Variants in MYZAP observed in about 807,000 individuals in gnomAD.
MYZAP encodes myocardial zonula adherens protein.
MYZAP carries 66 observed loss-of-function variants against 69.4 expected under a neutral mutation model. That is an observed-to-expected ratio of 0.95 (90% CI 0.78 to 1.17). The LOEUF is 1.17. Among genes scored for constraint, MYZAP ranks in the 50% most tolerant of loss-of-function variants. MYZAP has a pLI of 0.00. For missense variants in MYZAP, 611 were observed against 556.2 expected, an observed-to-expected ratio of 1.10 and a Z score of -0.99; for synonymous variants, 256 against 205.9, an observed-to-expected ratio of 1.24 and a Z score of -2.09.
chr15:57,677,129 T>A (rs2039180062), intron 12 of MYZAP, among the ~76,000 whole-genome samples: 1 of 152,228 alleles, frequency 6.6e-6, no homozygotes, highest in African/African-American at 2.4e-5. Flanking sequence ...GCCTTCCACC[T>A]GCGCTTCTTG....
chr15:57,627,054 C>T (rs1049968040), intron 5 of MYZAP, among the ~76,000 whole-genome samples: 2 of 152,218 alleles, frequency 1.3e-5, no homozygotes, highest in African/African-American at 2.4e-5. Context: ...CCCTTTCGGA[C>T]GCTGTCTCAT....
At chr15:57,606,788 T>C (rs1387494870) in intron 2 of MYZAP, among the ~76,000 whole-genome samples, 3 of 152,248 alleles carry the variant, frequency 2.0e-5, no homozygotes, top group Non-Finnish European at 4.4e-5. Context: ...ATATGAACTA[T>C]ATATTACATA....
At chr15:57,658,433 T>G (rs112702095) in intron 10 of MYZAP, among the ~76,000 whole-genome samples, 7 of 152,250 alleles carry the variant, frequency 4.6e-5, no homozygotes, top group African/African-American at 1.7e-4. Flanking sequence ...TTTCTTCTGA[T>G]GCTTTGTTCC....
chr15:57,633,730 C>A lies in MYZAP; in HGVS notation c.922C>A (p.Arg308Ser), dbSNP rs756208577. The change falls in exon 8 of 13, where the codon CGC becomes AGC. Residue 308 changes from arginine to serine, a missense_variant. By Grantham distance (110) the Arg-to-Ser change is moderately radical. Transcript: ENST00000267853. Reference protein sequence around the residue: ...RIGELDRLIERMEKERHQLQL... With the variant: ...RIGELDRLIESMEKERHQLQL... ...CGGGGAGCTGGACAGGCTGATTGAG[C>A]GCATGGAAAAGGTAGGACACAGCGT... 7 of 1,605,352 alleles carry A rather than the reference C, an allele frequency of 4.4e-6. No homozygotes were observed. The highest frequency in any genetic ancestry group is 6.0e-6 in the Non-Finnish European group (7 of 1,175,966).
At chr15:57,613,793 C>G (rs1422899323) in intron 2 of MYZAP, among the ~76,000 whole-genome samples, 1 of 152,198 alleles carries the variant, frequency 6.6e-6, no homozygotes, top group African/African-American at 2.4e-5. Context: ...GCCAATCCTG[C>G]CTCATCTACA....
intron 10 of MYZAP, among the ~76,000 whole-genome samples, chr15:57,654,324 G>A (rs569284984): frequency 2.6e-5 from 4 of 152,152 alleles, no homozygotes; most frequent in South Asian, 2.1e-4. Context: ...TAAGTGTGAC[G>A]TCAGTTTTAA....
At chr15:57,622,581 C>G (rs1305452996) in intron 4 of MYZAP, among the ~76,000 whole-genome samples, 1 of 152,032 alleles carries the variant, frequency 6.6e-6, no homozygotes, top group African/African-American at 2.4e-5. Flanking sequence ...ATAAAAAGTA[C>G]TCCAGAAATG....
intron 8 of MYZAP, among the ~76,000 whole-genome samples, chr15:57,635,975 G>A (rs1323865988): frequency 1.3e-5 from 2 of 152,152 alleles, no homozygotes; most frequent in African/African-American, 4.8e-5. Flanking sequence ...AATAGTCTAT[G>A]CCATAATCTG....
intron 11 of MYZAP, 126 bp from the exon 12 acceptor site, chr15:57,674,842 G>A (rs1006158625): frequency 1.3e-6 from 1 of 768,594 alleles, no homozygotes; most frequent in Non-Finnish European, 2.1e-6. Flanking sequence ...GTGATGCTCT[G>A]TAAATACATT....
chr15:57,684,340 T>A, intron 12 of MYZAP, 62 bp from the exon 13 acceptor site: 1 of 1,039,440 alleles, frequency 9.6e-7, no homozygotes, highest in Non-Finnish European at 1.5e-6. Context: ...TCTTACCATG[T>A]GAAGCATATG....
chr15:57,613,834 C>T (rs967322527), intron 2 of MYZAP, among the ~76,000 whole-genome samples: 1 of 152,156 alleles, frequency 6.6e-6, no homozygotes, highest in Non-Finnish European at 1.5e-5. Flanking sequence ...AAATATACAT[C>T]ATCTGTATCT....
intron 11 of MYZAP, among the ~76,000 whole-genome samples, chr15:57,663,406 A>T (rs1255495816): frequency 6.6e-6 from 1 of 152,162 alleles, no homozygotes; most frequent in Non-Finnish European, 1.5e-5. Flanking sequence ...TTTATCTGGG[A>T]GGCGATCTCA....
chr15:57,660,734 C>G (rs551946574), intron 10 of MYZAP, among the ~76,000 whole-genome samples: 2 of 152,228 alleles, frequency 1.3e-5, no homozygotes, highest in East Asian at 3.9e-4. Flanking sequence ...ATAACACGGC[C>G]TGGTACAGAG....
chr15:57,619,240 A>G (rs1187791202), intron 3 of MYZAP, among the ~76,000 whole-genome samples: 2 of 152,258 alleles, frequency 1.3e-5, no homozygotes, highest in African/African-American at 2.4e-5. Context: ...AATGCTTAGC[A>G]GAAAATATGA....
intron 7 of MYZAP, 150 bp from the exon 8 acceptor site, chr15:57,633,463 G>A (rs1375802911): frequency 1.7e-6 from 2 of 1,151,112 alleles, no homozygotes; most frequent in South Asian, 2.8e-5. Context: ...AGAACCGTGA[G>A]GTTGAGTTCA....
chr15:57,617,002 G>C (rs971468795), intron 2 of MYZAP, among the ~76,000 whole-genome samples: 1 of 151,858 alleles, frequency 6.6e-6, no homozygotes. Flanking sequence ...TTTGTCTGAA[G>C]TCTCAGTCCT....
chr15:57,648,240 C>T (rs2140496462), intron 10 of MYZAP: 1 of 985,326 alleles, frequency 1.0e-6, no homozygotes, highest in Non-Finnish European at 1.2e-6. Flanking sequence ...CAGGTTCATT[C>T]TATGACAGGT....
intron 2 of MYZAP, among the ~76,000 whole-genome samples, chr15:57,615,144 A>G (rs1332099879): frequency 6.6e-6 from 1 of 152,262 alleles, no homozygotes; most frequent in South Asian, 2.1e-4. Context: ...TTCAATTCAA[A>G]CATAATGCTT....
intron 1 of MYZAP, chr15:57,599,411 A>C (rs531526559): frequency 9.2e-7 from 1 of 1,084,064 alleles, no homozygotes; most frequent in East Asian, 7.0e-5. Flanking sequence ...TTTCACAAGT[A>C]ATAGGTGCTC....
Sources: allele counts gnomAD v4.1 joint callset (sites outside exome capture counted in the v4.1 genomes callset), GRCh38; gene constraint gnomAD v4.1.1; transcripts MANE v1.5; gene names NCBI Gene and HGNC (gene_info 2026-07-23, HGNC 2026-07-21).